TMEM132D: variants seen among roughly 807,000 people sequenced by gnomAD.
The protein encoded by TMEM132D is mature OL transmembrane protein.
In TMEM132D, 21 loss-of-function variants were observed where a neutral mutation model predicts 62.3. The observed-to-expected ratio is 0.34, with a 90% CI of 0.24 to 0.49. TMEM132D has a LOEUF of 0.49. Among genes scored for constraint, TMEM132D ranks in the 20% least tolerant of loss-of-function variants. The pLI, the probability that TMEM132D is intolerant of heterozygous loss-of-function variation, is 0.99. For synonymous variants in TMEM132D, 621 were observed against 575.6 expected (o/e 1.08, Z -1.13); for missense variants, 1,346 against 1,402.8 (o/e 0.96, Z 0.65).
intron 3 of TMEM132D, among the ~76,000 whole-genome samples, chr12:129,340,371 ATATG>A (rs544592465): frequency 9.7e-4 from 148 of 152,058 alleles, no homozygotes; most frequent in Non-Finnish European, 1.9e-3. Flanking sequence ...GATTTGTTAC[ATATG>A]TATACATGTG....
chr12:129,822,945 C>T (rs1227973266), intron 1 of TMEM132D, among the ~76,000 whole-genome samples: 1 of 152,186 alleles, frequency 6.6e-6, no homozygotes, highest in Non-Finnish European at 1.5e-5. Flanking sequence ...TCATTTGTCA[C>T]CCCCAATGTT....
intron 3 of TMEM132D, among the ~76,000 whole-genome samples, chr12:129,392,299 C>G (rs1423131129): frequency 4.6e-5 from 7 of 150,808 alleles, no homozygotes; most frequent in African/African-American, 1.7e-4. Flanking sequence ...TCAGGGCGAT[C>G]CGCCCACCTC....
chr12:129,255,359 A>G (rs757917237), intron 4 of TMEM132D, among the ~76,000 whole-genome samples: 8 of 152,150 alleles, frequency 5.3e-5, no homozygotes, highest in Non-Finnish European at 1.0e-4. Context: ...CCGACAAGAG[A>G]GTTGATTATT....
chr12:129,078,462 T>C (rs1874349442), intron 8 of TMEM132D, 72 bp downstream of exon 8: 1 of 1,493,326 alleles, frequency 6.7e-7, no homozygotes, highest in South Asian at 1.2e-5. Context: ...CCGCCTGGCG[T>C]GGTGCCTGCC....
intron 2 of TMEM132D, among the ~76,000 whole-genome samples, chr12:129,557,690 T>C (rs1227744494): frequency 6.6e-6 from 1 of 152,156 alleles, no homozygotes; most frequent in Non-Finnish European, 1.5e-5. Context: ...CACTCCAGCC[T>C]GAGAAACAGA....
intron 4 of TMEM132D, among the ~76,000 whole-genome samples, chr12:129,322,110 T>C (rs1040428959): frequency 6.6e-6 from 1 of 151,388 alleles, no homozygotes; most frequent in African/African-American, 2.4e-5. Flanking sequence ...ATAGCCACGA[T>C]GGCCATTTCT....
chr12:129,569,710 T>C (rs1877459235), intron 2 of TMEM132D, among the ~76,000 whole-genome samples: 1 of 152,216 alleles, frequency 6.6e-6, no homozygotes. Flanking sequence ...CTGCAGGCTT[T>C]ATGAAATGAC....
At chr12:129,690,780 T>G (rs748356056) in intron 2 of TMEM132D, among the ~76,000 whole-genome samples, 1 of 152,160 alleles carries the variant, frequency 6.6e-6, no homozygotes, top group East Asian at 1.9e-4. Flanking sequence ...GAGCAACTGA[T>G]AGATCAAACA....
At chr12:129,086,235 G>GTTGTT (rs1565958945) in intron 5 of TMEM132D, among the ~76,000 whole-genome samples, 1 of 127,078 alleles carries the variant, frequency 7.9e-6, no homozygotes, top group African/African-American at 2.9e-5. Flanking sequence ...TGTGTGTTGT[G>GTTGTT]GTGAGGACAT....
Position 129,079,589 on chromosome 12 carries a change from C to T in TMEM132D, c.1924-864G>A, listed in dbSNP as rs114686962. On this transcript the variant is annotated intron_variant, in intron 7 of 8. Transcript: ENST00000422113. ...TCCTTCTAGAAGAGATGGGCTTCAT[C>T]CTCCATTCTCCTGCTTTCTCGACCT... 3.4e-3 allele frequency among the ~76,000 whole-genome samples: 516 copies of T among 152,272 alleles called. 1 individual carries two copies. Among genetic ancestry groups the T allele is most frequent in the African/African-American group, 0.011 (458 of 41,536 alleles).
At chr12:129,125,014 A>T (rs1204228378) in intron 5 of TMEM132D, among the ~76,000 whole-genome samples, 4 of 152,204 alleles carry the variant, frequency 2.6e-5, no homozygotes, top group Non-Finnish European at 4.4e-5. Flanking sequence ...ACCTGAAGAG[A>T]TGGCATATTT....
chr12:129,751,431 G>T (rs1014240411), intron 1 of TMEM132D, among the ~76,000 whole-genome samples: 3 of 152,234 alleles, frequency 2.0e-5, no homozygotes, highest in South Asian at 2.1e-4. Context: ...CCCTGACATG[G>T]GGGGATTACA....
At chr12:129,897,344 C>T (rs1199100023) in intron 1 of TMEM132D, among the ~76,000 whole-genome samples, 1 of 152,156 alleles carries the variant, frequency 6.6e-6, no homozygotes, top group Non-Finnish European at 1.5e-5. Flanking sequence ...GTCTTCATTC[C>T]GCATGCTTCT....
chr12:129,757,059 A>C (rs1387305495), intron 1 of TMEM132D, among the ~76,000 whole-genome samples: 7 of 152,208 alleles, frequency 4.6e-5, no homozygotes, highest in African/African-American at 1.7e-4. Flanking sequence ...AACAAACAGA[A>C]AGGGAACATC....
chr12:129,720,657 C>T (rs896511), intron 1 of TMEM132D, among the ~76,000 whole-genome samples: 79,351 of 151,882 alleles, frequency 0.52, 21,030 homozygotes, highest in Middle Eastern at 0.63. Flanking sequence ...GTACCTCCTA[C>T]ATTAGACCTC....
intron 2 of TMEM132D, among the ~76,000 whole-genome samples, chr12:129,617,580 A>C (rs1233537299): frequency 6.6e-6 from 1 of 152,162 alleles, no homozygotes; most frequent in Non-Finnish European, 1.5e-5. Context: ...TTTTCATTGA[A>C]AGGAGCAGCA....
rs534868390 is a variant in TMEM132D at position 129,209,568 on chromosome 12, C to A, written c.1395G>T (p.Glu465Asp). ...VSVEDDGTVT[E>D]LLESVECRSS... ...ATCTACACTCCACAGACTCCAGCAG[C>A]TCTGTCACTGTGCCGTCGTCCTCCA... is the stretch of plus-strand genomic sequence containing the variant. Residue 465 changes from glutamate to aspartate, a missense_variant, in exon 5 of 9, where the codon GAG becomes GAT. Physicochemically the swap from Glu to Asp is conservative, Grantham distance 45 (BLOSUM62 2). Coordinates refer to ENST00000422113, the MANE Select transcript of TMEM132D (RefSeq NM_133448.3). 5 of 1,614,088 alleles carry A rather than the reference C, an allele frequency of 3.1e-6. No individual in the cohort carries two copies. The highest frequency in any genetic ancestry group is 1.7e-5 in the Admixed American group (1 of 60,008).
At chr12:129,417,242 G>A (rs1015714627) in intron 3 of TMEM132D, among the ~76,000 whole-genome samples, 1 of 152,000 alleles carries the variant, frequency 6.6e-6, no homozygotes. Flanking sequence ...CTATAGCCAA[G>A]ACAATCCTAT....
chr12:129,116,284 G>A (rs534054263), intron 5 of TMEM132D, among the ~76,000 whole-genome samples: 15 of 152,276 alleles, frequency 9.9e-5, no homozygotes, highest in Middle Eastern at 6.8e-3. Context: ...GAAATGATAC[G>A]TGGTCACATC....
Sources: gnomAD v4.1 joint callset for allele counts (sites outside exome capture counted in the v4.1 genomes callset) on GRCh38, gnomAD v4.1.1 for gene constraint, MANE v1.5 for transcripts, NCBI Gene and HGNC (gene_info 2026-07-23, HGNC 2026-07-21) for gene names.